EXOC4: variants seen among roughly 807,000 people sequenced by gnomAD.
EXOC4 encodes SEC8-like 1.
In EXOC4, 71 loss-of-function variants were observed where a neutral mutation model predicts 107.2. The observed-to-expected ratio is 0.66, with a 90% CI of 0.55 to 0.81. The LOEUF (loss-of-function observed/expected upper bound fraction) is 0.81. Among genes scored for constraint, EXOC4 ranks in the 30% least tolerant of loss-of-function variants. The pLI is 0.00. For missense variants in EXOC4, 1,108 were observed against 1,189.6 expected (o/e 0.93, Z 1.01); for synonymous variants, 456 against 441.2 (o/e 1.03, Z -0.42).
intron 10 of EXOC4, among the ~76,000 whole-genome samples, chr7:133,752,787 CTT>C (rs1795821944): frequency 6.6e-6 from 1 of 152,198 alleles, no homozygotes; most frequent in African/African-American, 2.4e-5. Flanking sequence ...TAAATGTTAA[CTT>C]AATGAATGTC....
rs551519041 is a variant in EXOC4, at chr7:133,953,288, T to C, written c.2206+15219T>C. ...CATTACTTCTTAGCACCTCTTGAAA[T>C]AGAAAATAAAAAATTTGGCCAGGCG... On this transcript the variant is annotated intron_variant, in intron 14 of 17. Transcript: ENST00000253861. Among the ~76,000 whole-genome samples, 7 of 152,004 alleles carry C rather than the reference T, an allele frequency of 4.6e-5. No individual in the cohort carries two copies. The East Asian group carries it at 1.4e-3, about 30-fold the overall frequency.
At chr7:133,406,277 T>A (rs1797217548) in intron 7 of EXOC4, among the ~76,000 whole-genome samples, 1 of 152,192 alleles carries the variant, frequency 6.6e-6, no homozygotes, top group Non-Finnish European at 1.5e-5. Flanking sequence ...CATACTGCAC[T>A]ACATCCATGG....
intron 1 of EXOC4, among the ~76,000 whole-genome samples, chr7:133,256,865 C>T (rs1795031145): frequency 6.6e-6 from 1 of 152,012 alleles, no homozygotes; most frequent in Non-Finnish European, 1.5e-5. Context: ...TATTTCCAGC[C>T]CTTGTACTAA....
At chr7:133,693,417 C>G (rs537949234) in intron 10 of EXOC4, among the ~76,000 whole-genome samples, 2 of 152,236 alleles carry the variant, frequency 1.3e-5, no homozygotes, top group South Asian at 4.1e-4. Context: ...TGGTGCCCAC[C>G]CTGCTTGAGG....
intron 14 of EXOC4, among the ~76,000 whole-genome samples, chr7:133,970,234 A>G (rs896830483): frequency 2.6e-5 from 4 of 152,134 alleles, no homozygotes; most frequent in Admixed American, 1.3e-4. Flanking sequence ...TCAGACTGCT[A>G]TGCTGGCAGC....
At chr7:133,785,745 T>G (rs2151178365) in intron 10 of EXOC4, among the ~76,000 whole-genome samples, 2 of 151,946 alleles carry the variant, frequency 1.3e-5, no homozygotes, top group East Asian at 3.9e-4. Context: ...CTATCTCAGC[T>G]CACTGCAAGC....
intron 10 of EXOC4, among the ~76,000 whole-genome samples, chr7:133,750,972 C>T (rs1166013126): frequency 1.3e-5 from 2 of 152,268 alleles, no homozygotes; most frequent in South Asian, 2.1e-4. Context: ...CTTGGACAGA[C>T]GTTGTTTGTA....
At chr7:133,401,101 G>T (rs1797078431) in intron 7 of EXOC4, among the ~76,000 whole-genome samples, 1 of 151,504 alleles carries the variant, frequency 6.6e-6, no homozygotes, top group African/African-American at 2.4e-5. Flanking sequence ...CCACTCTGGG[G>T]TGTGCCTAAG....
chr7:133,973,771 T>G (rs1793757311), intron 14 of EXOC4, among the ~76,000 whole-genome samples: 1 of 152,220 alleles, frequency 6.6e-6, no homozygotes, highest in South Asian at 2.1e-4. Context: ...AAGATTTGTC[T>G]TAGTCTGTTT....
At chr7:134,094,626 C>T in the EXOC4 span, among the ~76,000 whole-genome samples, 2 of 152,174 alleles carry the variant, frequency 1.3e-5, no homozygotes, top group East Asian at 3.9e-4. Context: ...AGGAAAACTA[C>T]AGGCCAAGAT....
chr7:133,634,378 G>C (rs1802657958), intron 10 of EXOC4, among the ~76,000 whole-genome samples: 1 of 152,120 alleles, frequency 6.6e-6, no homozygotes, highest in Admixed American at 6.5e-5. Context: ...TTTCTGGAAA[G>C]AAATGGGCTT....
At chr7:133,444,760 G>A (rs994100630) in intron 7 of EXOC4, among the ~76,000 whole-genome samples, 1 of 152,140 alleles carries the variant, frequency 6.6e-6, no homozygotes, top group African/African-American at 2.4e-5. Flanking sequence ...TATGTTAAAT[G>A]TGGGATGCCT....
intron 10 of EXOC4, among the ~76,000 whole-genome samples, chr7:133,668,392 A>C (rs1793864352): frequency 6.6e-6 from 1 of 152,202 alleles, no homozygotes; most frequent in Non-Finnish European, 1.5e-5. Context: ...TATAATGGTA[A>C]CAATATAGTT....
intron 7 of EXOC4, among the ~76,000 whole-genome samples, chr7:133,437,122 T>G (rs1324974488): frequency 1.3e-5 from 2 of 152,206 alleles, no homozygotes; most frequent in African/African-American, 4.8e-5. Flanking sequence ...TCCAAACATG[T>G]TAGAGGATTT....
intron 9 of EXOC4, among the ~76,000 whole-genome samples, chr7:133,573,010 A>T (rs1469838165): frequency 6.6e-6 from 1 of 152,222 alleles, no homozygotes; most frequent in African/African-American, 2.4e-5. Context: ...ATTATGTTTC[A>T]GGATATAACC....
chr7:133,313,426 G>C (rs1348318531), intron 4 of EXOC4, among the ~76,000 whole-genome samples: 1 of 152,110 alleles, frequency 6.6e-6, no homozygotes, highest in Non-Finnish European at 1.5e-5. Flanking sequence ...AAAATTTTAT[G>C]AGCACTTGCT....
intron 9 of EXOC4, among the ~76,000 whole-genome samples, chr7:133,542,666 A>T (rs576043700): frequency 3.3e-5 from 5 of 152,032 alleles, no homozygotes; most frequent in African/African-American, 1.2e-4. Context: ...TCAGAGAAAA[A>T]GCAGCTTCTG....
chr7:133,672,826 G>C (rs1371023616), intron 10 of EXOC4, among the ~76,000 whole-genome samples: 1 of 152,136 alleles, frequency 6.6e-6, no homozygotes, highest in Non-Finnish European at 1.5e-5. Flanking sequence ...GTCACGTAAG[G>C]ATTTATCTCT....
At chr7:133,954,220 A>G (rs1800761691) in intron 14 of EXOC4, among the ~76,000 whole-genome samples, 2 of 152,238 alleles carry the variant, frequency 1.3e-5, no homozygotes, top group Admixed American at 6.5e-5. Flanking sequence ...GGGGATCTTC[A>G]TCAGTCACAT....
Sources: allele counts gnomAD v4.1 joint callset (sites outside exome capture counted in the v4.1 genomes callset), GRCh38; gene constraint gnomAD v4.1.1; transcripts MANE v1.5; gene names NCBI Gene and HGNC (gene_info 2026-07-23, HGNC 2026-07-21).